PKHD1: variants seen among roughly 807,000 people sequenced by gnomAD.
PKHD1 encodes the protein PKHD1 ciliary IPT domain containing fibrocystin/polyductin.
Under a neutral mutation model 412.0 loss-of-function variants are expected in PKHD1, and 291 were observed. The observed-to-expected ratio is 0.71, with a 90% CI of 0.64 to 0.78. The LOEUF (loss-of-function observed/expected upper bound fraction) is 0.78. PKHD1 is among the 30% of genes least tolerant of loss of function. PKHD1 has a pLI of 0.00. For synonymous variants in PKHD1, 1,777 were observed against 1,821.5 expected (o/e 0.98, Z 0.62); for missense variants, 4,825 against 4,950.7 (o/e 0.97, Z 0.76).
chr6:51,810,817 T>C (rs1764575777), intron 52 of PKHD1, among the ~76,000 whole-genome samples: 1 of 152,206 alleles, frequency 6.6e-6, no homozygotes, highest in Non-Finnish European at 1.5e-5. Context: ...TGGCTCTTTA[T>C]ATATGGAATA....
At chr6:51,962,810 C>A (rs1208437423) in intron 35 of PKHD1, among the ~76,000 whole-genome samples, 1 of 151,950 alleles carries the variant, frequency 6.6e-6, no homozygotes, top group African/African-American at 2.4e-5. Context: ...TTAAAAAGCA[C>A]CCCCAATCAT....
chr6:51,712,268 T>C (rs1780748366), intron 60 of PKHD1, among the ~76,000 whole-genome samples: 1 of 152,132 alleles, frequency 6.6e-6, no homozygotes, highest in Admixed American at 6.6e-5. Flanking sequence ...CCTTTTCTTC[T>C]TGGTAAGAGC....
intron 36 of PKHD1, among the ~76,000 whole-genome samples, chr6:51,941,438 G>A (rs1788546893): frequency 6.7e-6 from 1 of 149,290 alleles, no homozygotes; most frequent in South Asian, 2.1e-4. Flanking sequence ...TGTATTTTTA[G>A]TAGAGACGGG....
intron 60 of PKHD1, among the ~76,000 whole-genome samples, chr6:51,667,832 G>A (rs961218769): frequency 2.0e-5 from 3 of 150,766 alleles, no homozygotes; most frequent in African/African-American, 7.4e-5. Context: ...TTTTTCTCAG[G>A]TTTGTCAAAG....
rs62406009 is a variant in PKHD1, at chr6:52,000,684, G to A, written c.5751+9625C>T. On this transcript the variant is annotated intron_variant, in intron 35 of 66. Transcript: ENST00000371117. ...GATAAAAGTTAAGAGTAGTGTAGCTGAGATAATGCAAACTCCTATATGGTG... is the reference window on the plus strand; with the variant it reads ...GATAAAAGTTAAGAGTAGTGTAGCTAAGATAATGCAAACTCCTATATGGTG... 6.5e-3 allele frequency among the ~76,000 whole-genome samples: 991 copies of A among 152,266 alleles called. 3 individuals carry two copies. The highest frequency in any genetic ancestry group is 0.01 in the Non-Finnish European group (710 of 68,018).
At chr6:51,936,188 T>C (rs1471755632) in intron 36 of PKHD1, among the ~76,000 whole-genome samples, 4 of 152,222 alleles carry the variant, frequency 2.6e-5, no homozygotes, top group Non-Finnish European at 5.9e-5. Flanking sequence ...TGAATGGACA[T>C]ATCTTTTTGG....
intron 48 of PKHD1, among the ~76,000 whole-genome samples, chr6:51,858,164 T>G (rs1461451570): frequency 1.3e-5 from 2 of 152,228 alleles, no homozygotes; most frequent in Non-Finnish European, 2.9e-5. Context: ...TCCCTCCCCT[T>G]CTTTCAGTTA....
chr6:51,925,379 G>A lies in PKHD1; in HGVS notation c.6121+8731C>T, dbSNP rs148494656. On this transcript the variant is annotated intron_variant, in intron 37 of 66. Coordinates refer to ENST00000371117, the MANE Select transcript of PKHD1 (RefSeq NM_138694.4). ...TGGTGACTGTGATGGTTAATTTTGC[G>A]CATCAACTTGACTGGGCTATGGGGT... Among the ~76,000 whole-genome samples the A allele has an allele frequency of 4.7e-4, 71 of 152,104 alleles. No individual in the cohort carries two copies. In the East Asian group the frequency reaches 7.0e-3, roughly 15 times the overall value.
chr6:51,807,460 T>A (rs992066021), intron 52 of PKHD1, among the ~76,000 whole-genome samples: 7,256 of 33,112 alleles, frequency 0.22, 528 homozygotes, highest in East Asian at 0.35. Flanking sequence ...AAAAAAAAAA[T>A]ATATATATAT....
chr6:51,652,221 T>C lies in PKHD1; in HGVS notation c.11175-3001A>G, dbSNP rs989428115. On this transcript the variant is annotated intron_variant, in intron 61 of 66. Transcript: ENST00000371117. ...TTCTGCAATGCTTAAATGCAGGCTA[T>C]AGGAGAAAAGTCAAGAAAATACAGA... Among the ~76,000 whole-genome samples the C allele has an allele frequency of 2.0e-5, 3 of 152,212 alleles. No homozygotes were observed. In the East Asian group the frequency reaches 5.8e-4, roughly 29 times the overall value.
intron 36 of PKHD1, among the ~76,000 whole-genome samples, chr6:51,946,823 G>T (rs1046029557): frequency 6.6e-6 from 1 of 152,086 alleles, no homozygotes; most frequent in African/African-American, 2.4e-5. Context: ...TCTTTTAAAG[G>T]GAAGTAAAAG....
At chr6:52,062,160 C>A (rs1275243729) in intron 14 of PKHD1, among the ~76,000 whole-genome samples, 5 of 152,224 alleles carry the variant, frequency 3.3e-5, no homozygotes, top group African/African-American at 1.2e-4. Flanking sequence ...ATTCTTGGAT[C>A]TTTCTTTGGC....
intron 48 of PKHD1, among the ~76,000 whole-genome samples, chr6:51,866,275 A>G (rs1314542617): frequency 6.6e-6 from 1 of 152,204 alleles, no homozygotes; most frequent in Non-Finnish European, 1.5e-5. Flanking sequence ...GTGACCAATC[A>G]GCCTAGATGA....
intron 52 of PKHD1, among the ~76,000 whole-genome samples, chr6:51,793,587 C>T (rs7776350): frequency 0.15 from 22,707 of 152,158 alleles, 1,888 homozygotes; most frequent in African/African-American, 0.22. Context: ...CATCACTTAG[C>T]TCCCACTTAC....
Position 52,080,377 on chromosome 6 carries a change from C to T in PKHD1, c.282-369G>A, listed in dbSNP as rs553837615. On this transcript the variant is annotated intron_variant, in intron 4 of 66. Transcript: ENST00000371117. Reference sequence around the variant, plus strand: ...GAGACTTATGTGTATGAGCTTCAAACGTTAAGGGCAAAGTGGGGCTTGAAT... The same window carrying T: ...GAGACTTATGTGTATGAGCTTCAAATGTTAAGGGCAAAGTGGGGCTTGAAT... 1.5e-4 allele frequency among the ~76,000 whole-genome samples: 23 copies of T among 152,254 alleles called. 1 individual carries two copies. The South Asian group carries it at 3.3e-3, about 22-fold the overall frequency.
At chr6:51,631,370 T>G (rs1952458) in intron 65 of PKHD1, among the ~76,000 whole-genome samples, 1 of 151,846 alleles carries the variant, frequency 6.6e-6, no homozygotes, top group Non-Finnish European at 1.5e-5. Flanking sequence ...AGTCCAGTCC[T>G]GATCAACAGG....
intron 53 of PKHD1, among the ~76,000 whole-genome samples, chr6:51,777,679 GAAAAAAAAAAAA>G (rs59379021): frequency 0.019 from 2,265 of 118,662 alleles, 73 homozygotes; most frequent in African/African-American, 0.064. Flanking sequence ...GAGTCTTTGG[GAAAAAAAAAAAA>G]AAAAAAAAAA....
intron 34 of PKHD1, among the ~76,000 whole-genome samples, chr6:52,014,668 G>C (rs1800251139): frequency 6.7e-6 from 1 of 150,030 alleles, no homozygotes; most frequent in African/African-American, 2.4e-5. Context: ...TGGATGGATG[G>C]ATAGATGGAT....
chr6:51,788,660 C>A (rs1464555075), intron 53 of PKHD1, among the ~76,000 whole-genome samples: 1 of 152,066 alleles, frequency 6.6e-6, no homozygotes, highest in Non-Finnish European at 1.5e-5. Context: ...TTTTCTCAAT[C>A]CTTTATGGCA....
Sources: gnomAD v4.1 joint callset for allele counts (sites outside exome capture counted in the v4.1 genomes callset) on GRCh38, gnomAD v4.1.1 for gene constraint, MANE v1.5 for transcripts, NCBI Gene and HGNC (gene_info 2026-07-23, HGNC 2026-07-21) for gene names.